The following SASH1 variants were observed in gnomAD, a reference collection of about 807,000 sequenced individuals.
SASH1 encodes SAM and SH3 domain containing 1, also known as SAM and SH3 domain-containing protein 1.
Under a neutral mutation model 125.2 loss-of-function variants are expected in SASH1, and 44 were observed. The ratio of observed to expected loss-of-function variants is 0.35; its 90% confidence interval spans 0.28 to 0.45. The LOEUF (loss-of-function observed/expected upper bound fraction) is 0.45, where lower values mean the gene tolerates loss of function less well. Among genes scored for constraint, SASH1 ranks in the 20% least tolerant of loss-of-function variants. SASH1 has a pLI of 1.00. For missense variants in SASH1, 1,426 were observed against 1,614.5 expected (o/e 0.88, Z 2.00); for synonymous variants, 639 against 649.1 (o/e 0.98, Z 0.24).
chr6:148,422,693 G>C (rs1775622959), intron 2 of SASH1, among the ~76,000 whole-genome samples: 1 of 152,120 alleles, frequency 6.6e-6, no homozygotes, highest in South Asian at 2.1e-4. Context: ...GTCATTCAAA[G>C]ATTAATGCTC....
chr6:148,303,002 C>T (rs183248094), intron 1 of SASH1, among the ~76,000 whole-genome samples: 2 of 151,798 alleles, frequency 1.3e-5, no homozygotes, highest in African/African-American at 2.4e-5. Flanking sequence ...ATTTTTGAGA[C>T]GGAGTTTTGA....
intron 2 of SASH1, among the ~76,000 whole-genome samples, chr6:148,437,042 G>A (rs1776321164): frequency 6.6e-6 from 1 of 152,200 alleles, no homozygotes; most frequent in African/African-American, 2.4e-5. Flanking sequence ...ATCGGGAGCT[G>A]TAGTGTAAAC....
chr6:148,252,686 C>A, the SASH1 span, among the ~76,000 whole-genome samples: 5 of 152,224 alleles, frequency 3.3e-5, no homozygotes, highest in East Asian at 9.7e-4. Context: ...GCCATGTTGG[C>A]CAGGCTGGTC....
At chr6:148,507,020 G>C (rs1779837400) in intron 8 of SASH1, among the ~76,000 whole-genome samples, 2 of 152,186 alleles carry the variant, frequency 1.3e-5, no homozygotes, top group South Asian at 2.1e-4. Context: ...AAAAGCACCT[G>C]GTCCGTCAGA....
chr6:148,270,668 T>A (rs1779040916), upstream of SASH1, among the ~76,000 whole-genome samples: 1 of 148,180 alleles, frequency 6.7e-6, no homozygotes, highest in Non-Finnish European at 1.5e-5. Flanking sequence ...TGGCAGTTAG[T>A]GATTACTTTT....
At chr6:148,523,120 A>ACAGAATTTC (rs1207178073) in intron 10 of SASH1, among the ~76,000 whole-genome samples, 1 of 152,256 alleles carries the variant, frequency 6.6e-6, no homozygotes, top group Non-Finnish European at 1.5e-5. Context: ...CATAATTTCC[A>ACAGAATTTC]CATAAATTCT....
intron 1 of SASH1, chr6:148,278,766 G>A (rs540732358): frequency 2.0e-5 from 3 of 152,124 alleles, no homozygotes. Flanking sequence ...TTTGTGAAAT[G>A]TTTCATGTAT....
At chr6:148,282,672 G>A (rs35351646) in intron 1 of SASH1, among the ~76,000 whole-genome samples, 31,919 of 151,954 alleles carry the variant, frequency 0.21, 3,615 homozygotes, top group South Asian at 0.28. Flanking sequence ...GAGCCACCAC[G>A]CCCAGCCTCA....
At chr6:148,233,964 G>A in the SASH1 span, among the ~76,000 whole-genome samples, 2 of 151,200 alleles carry the variant, frequency 1.3e-5, no homozygotes, top group African/African-American at 2.4e-5. Context: ...CAGAGAAAAA[G>A]AAAAAAATAC....
chr6:148,376,235 T>A (rs1332713357), intron 1 of SASH1, among the ~76,000 whole-genome samples: 1 of 151,958 alleles, frequency 6.6e-6, no homozygotes, highest in Non-Finnish European at 1.5e-5. Context: ...CCTAGCTAAT[T>A]TTTTTGTATT....
At chr6:148,348,631 ATGTAAACGTC>A (rs778159576) in intron 1 of SASH1, among the ~76,000 whole-genome samples, 114 of 152,256 alleles carry the variant, frequency 7.5e-4, no homozygotes, top group Non-Finnish European at 7.9e-4. Flanking sequence ...TACAGTTCAG[ATGTAAACGTC>A]TGTGTCCTAA....
chr6:148,487,528 G>A (rs1778928792), intron 7 of SASH1, 86 bp from the exon 8 acceptor site: 2 of 926,106 alleles, frequency 2.2e-6, no homozygotes, highest in Non-Finnish European at 3.4e-6. Flanking sequence ...GAACCTAGAT[G>A]TATTATTTGA....
At chr6:148,326,339 T>TATATATATATATATATATATATATATGC (rs1562326126) in intron 1 of SASH1, among the ~76,000 whole-genome samples, 2 of 76,344 alleles carry the variant, frequency 2.6e-5, no homozygotes, top group African/African-American at 4.8e-5. Context: ...TATATATATA[T>TATATATATATATATATATATATATATGC]ATATATATAT....
upstream of SASH1, among the ~76,000 whole-genome samples, chr6:148,340,549 A>G (rs1781290794): frequency 6.6e-6 from 1 of 152,110 alleles, no homozygotes; most frequent in Admixed American, 6.6e-5. Flanking sequence ...ATATACCAAT[A>G]CAGTCAACTG....
intron 8 of SASH1, chr6:148,508,866 A>C: frequency 7.8e-7 from 1 of 1,287,566 alleles, no homozygotes; most frequent in Non-Finnish European, 1.0e-6. Context: ...GGCTTGCTAA[A>C]TGCCGAAGCC....
At chr6:148,530,854 C>T (rs1445869659) in intron 12 of SASH1, among the ~76,000 whole-genome samples, 1 of 152,192 alleles carries the variant, frequency 6.6e-6, no homozygotes, top group East Asian at 1.9e-4. Context: ...TGCTGAGTCA[C>T]TCCCATCAGG....
At chr6:148,429,816 A>G (rs1403823040) in intron 2 of SASH1, among the ~76,000 whole-genome samples, 2 of 152,180 alleles carry the variant, frequency 1.3e-5, no homozygotes, top group African/African-American at 4.8e-5. Context: ...TTGTACAGGG[A>G]GCCTGTGCAA....
the SASH1 span, among the ~76,000 whole-genome samples, chr6:148,260,144 A>G: frequency 6.6e-6 from 1 of 152,228 alleles, no homozygotes; most frequent in Admixed American, 6.5e-5. Flanking sequence ...TGCAAGTTTG[A>G]ATATAATATG....
the SASH1 span, among the ~76,000 whole-genome samples, chr6:148,242,147 C>A: frequency 2.6e-5 from 4 of 152,174 alleles, no homozygotes; most frequent in Non-Finnish European, 5.9e-5. Context: ...CAGTCTCTTG[C>A]TATTTACATG....
Sources: gnomAD v4.1 joint callset for allele counts (sites outside exome capture counted in the v4.1 genomes callset) on GRCh38, gnomAD v4.1.1 for gene constraint, MANE v1.5 for transcripts, NCBI Gene and HGNC (gene_info 2026-07-23, HGNC 2026-07-21) for gene names.